The following EHMT2 variants were observed in gnomAD, a reference collection of about 807,000 sequenced individuals.
The protein encoded by EHMT2 is histone-lysine N-methyltransferase EHMT2.
Under a neutral mutation model 143.3 loss-of-function variants are expected in EHMT2, and 59 were observed. The observed-to-expected ratio is 0.41, with a 90% confidence interval of 0.33 to 0.51. The LOEUF (loss-of-function observed/expected upper bound fraction) is 0.51, where lower values mean the gene tolerates loss of function less well. Among genes scored for constraint, EHMT2 ranks in the 20% least tolerant of loss-of-function variants. The probability of loss-of-function intolerance (pLI) is 0.18; values close to 1 mark genes in which losing one functional copy is unlikely to be tolerated. For missense variants in EHMT2, 1,174 were observed against 1,645.9 expected, an observed-to-expected ratio of 0.71 and a Z score of 4.96; for synonymous variants, 604 against 651.5, an observed-to-expected ratio of 0.93 and a Z score of 1.11.
Position 31,889,606 on chromosome 6 carries a change from GGA to G in EHMT2, c.865-6_865-5del. ...CAGTTAGAGCTTCAACTTCAGACTGGGAGAGAGGCAGAACAGACATATCCAAC... is the reference window on the plus strand; with the variant it reads ...CAGTTAGAGCTTCAACTTCAGACTGGGAGAGGCAGAACAGACATATCCAAC... On this transcript the variant is annotated splice_polypyrimidine_tract_variant and splice_region_variant and intron_variant, in intron 7 of 27. Coordinates refer to ENST00000375537, the Ensembl canonical transcript of EHMT2. The surrounding 1 kb of genome is among the most constrained non-coding windows in gnomAD (Gnocchi z 5.1). 6.2e-7 allele frequency: 1 copy of G among 1,609,910 alleles called. No individual in the cohort carries two copies. The highest frequency in any genetic ancestry group is 1.1e-5 in the South Asian group (1 of 91,074).
At chr6:31,894,329 T>C (rs1039222911) in intron 4 of EHMT2, among the ~76,000 whole-genome samples, 1 of 152,154 alleles carries the variant, frequency 6.6e-6, no homozygotes, top group African/African-American at 2.4e-5. Context: ...GTATTTTTAA[T>C]AGAGATGGGG....
chr6:31,883,956 G>A lies in EHMT2; in HGVS notation c.2772-6C>T. 6.2e-7 allele frequency: 1 copy of A among 1,613,142 alleles called. No homozygotes were observed. Among genetic ancestry groups the A allele is most frequent in the Non-Finnish European group, 8.5e-7 (1 of 1,179,424 alleles). On this transcript the variant is annotated splice_region_variant and splice_polypyrimidine_tract_variant and intron_variant, in intron 21 of 27. Transcript: ENST00000375537. This position sits in a 1 kb window ranked among gnomAD's most constrained non-coding sequence, Gnocchi z 5.6. ...CATAGCCCCGAGCCACGTCCCTGCA[G>A]AAGACGGGAAGAAGGGGCTGGGAAG...
In EHMT2 at chr6:31,888,442, A is replaced by G; in HGVS notation, c.1430T>C (p.Leu477Pro). The G allele has an allele frequency of 1.2e-6, 2 of 1,612,948 alleles. No homozygotes were observed. The highest frequency in any genetic ancestry group is 1.7e-6 in the Non-Finnish European group (2 of 1,179,912). The change falls in exon 12 of 28, where the codon CTG (leucine) becomes CCG (proline). Residue 477 changes from leucine to proline, a missense_variant. By Grantham distance (98) the Leu-to-Pro change is moderately conservative. This residue lies in a region of EHMT2 where 608 missense variants were observed against 903.7 expected (regional missense o/e 0.67). Coordinates refer to ENST00000375537, the Ensembl canonical transcript of EHMT2. This position sits in a 1 kb window ranked among gnomAD's most constrained non-coding sequence, Gnocchi z 7.4. ...GCGGTGGGTCTCACAGAGCACCATC[A>G]GGGCCACACGGCTGGATGGCCTCAT...
chr6:31,880,716 C>T lies in EHMT2; in HGVS notation c.3409G>A (p.Ala1137Thr), dbSNP rs1331624854. Residue 1137 changes from alanine (A) to threonine (T), a missense_variant, in exon 27 of 28, where the codon GCC becomes ACC. This residue lies in a region of EHMT2 where 44 missense variants were observed against 113.5 expected (regional missense o/e 0.39). Transcript: ENST00000375537. The surrounding 1 kb of genome is among the most constrained non-coding windows in gnomAD (Gnocchi z 6.6). Reference sequence around the variant, plus strand: ...CGGATGTCTCGGGAACTGAAGAAGGCGATGCGTGGAAATCGCAGGTCTTGG... The same window carrying T: ...CGGATGTCTCGGGAACTGAAGAAGGTGATGCGTGGAAATCGCAGGTCTTGG... The T allele has an allele frequency of 3.7e-6, 6 of 1,613,866 alleles. No homozygotes were observed. Among genetic ancestry groups the T allele is most frequent in the East Asian group, 2.2e-5 (1 of 44,884 alleles).
Position 31,882,910 on chromosome 6 carries a change from C to A in EHMT2, c.3094G>T (p.Val1032Leu), listed in dbSNP as rs201630944. The A allele has an allele frequency of 6.2e-7, 1 of 1,612,782 alleles. No individual in the cohort carries two copies. Among genetic ancestry groups the A allele is most frequent in the Non-Finnish European group, 8.5e-7 (1 of 1,179,964 alleles). ...GGGCCTCACTTGATGCCACTCTGTA[C>A]GACCCGGTTCTTGCAGTTTCTCCAG... Residue 1032 changes from valine to leucine, a missense_variant, in exon 24 of 28, where the codon GTA becomes TTA. Physicochemically the swap from Val to Leu is conservative, Grantham distance 32. This residue lies in a region of EHMT2 where 78 missense variants were observed against 144.0 expected (regional missense o/e 0.54). Transcript: ENST00000375537.
In EHMT2 at chr6:31,889,224, T is replaced by C; in HGVS notation, c.1114+4A>G. 1 of 1,602,334 alleles carries C rather than the reference T, an allele frequency of 6.2e-7. No homozygotes were observed. The highest frequency in any genetic ancestry group is 8.5e-7 in the Non-Finnish European group (1 of 1,175,286). ...GGCACCCAAAAGCAGCAGAGCCTCC[T>C]CACCTCGTGGCTCCTTGGCCCGCGG... On this transcript the variant is annotated splice_donor_region_variant and intron_variant, in intron 9 of 27. Coordinates refer to ENST00000375537, the Ensembl canonical transcript of EHMT2. This position sits in a 1 kb window ranked among gnomAD's most constrained non-coding sequence, Gnocchi z 5.1.
chr6:31,881,692 G>A lies in EHMT2; in HGVS notation c.3198-600C>T, dbSNP rs1274716559. ...GGACAGGCAGTGAGTGGATGGTGGG[G>A]AAACTGAGGCCCAGCAGGAAGGGGC... is the stretch of plus-strand genomic sequence containing the variant. On this transcript the variant is annotated intron_variant, in intron 25 of 27. Coordinates refer to ENST00000375537, the Ensembl canonical transcript of EHMT2. The surrounding 1 kb of genome is among the most constrained non-coding windows in gnomAD (Gnocchi z 4.8). The A allele has an allele frequency of 6.2e-6, 1 of 162,558 alleles. No homozygotes were observed. The highest frequency in any genetic ancestry group is 1.4e-5 in the Non-Finnish European group (1 of 73,344). The allele number at this position is 162,558 out of a possible 1,614,324, so 10.1% of individuals were successfully genotyped here. A position where few individuals can be genotyped will look rare whatever the true frequency, so the allele number is the denominator to read the frequency against.
At chr6:31,882,754 T>C in exon 25 of EHMT2, 1 of 1,612,592 alleles carries the variant, frequency 6.2e-7, no homozygotes, top group Non-Finnish European at 8.5e-7. Context: ...CCCCAGCCCA[T>C]CTTGGCTGTT....
At chr6:31,893,795 C>A in intron 4 of EHMT2, 1 of 177,798 alleles carries the variant, frequency 5.6e-6, no homozygotes, top group Non-Finnish European at 1.2e-5. Flanking sequence ...AGTACTTACT[C>A]AAATTTATAG....
At chr6:31,897,537 C>T (rs1382138961) in intron 1 of EHMT2, 99 bp downstream of exon 1, 4 of 1,002,204 alleles carry the variant, frequency 4.0e-6, no homozygotes, top group Non-Finnish European at 4.9e-6. Context: ...CCGCCCGGGC[C>T]CCCCGGCCCC....
In EHMT2 at chr6:31,881,182, T is replaced by C; in HGVS notation, c.3198-90A>G. On this transcript the variant is annotated intron_variant, in intron 25 of 27. Transcript: ENST00000375537. The surrounding 1 kb of genome is among the most constrained non-coding windows in gnomAD (Gnocchi z 4.8). ...CATCTCTCTTCACAAGCCTGTGGAA[T>C]CTGGAATGGGCAGGGCTGGCAGGTG... is the stretch of plus-strand genomic sequence containing the variant. 1 of 1,175,510 alleles carries C rather than the reference T, an allele frequency of 8.5e-7. No individual in the cohort carries two copies. The highest frequency in any genetic ancestry group is 1.3e-6 in the Non-Finnish European group (1 of 787,926). 72.8% of individuals were successfully genotyped at this position (1,175,510 alleles called of 1,614,324 possible). A position where few individuals can be genotyped will look rare whatever the true frequency, so the allele number is the denominator to read the frequency against.
Position 31,888,042 on chromosome 6 carries a change from T to C in EHMT2, c.1744A>G (p.Ser582Gly). Residue 582 changes from serine to glycine, a missense_variant and splice_region_variant, in exon 13 of 28, where the codon AGT (serine) becomes GGT (glycine). By Grantham distance (56) the Ser-to-Gly change is moderately conservative. Coordinates refer to ENST00000375537, the Ensembl canonical transcript of EHMT2. The surrounding 1 kb of genome is among the most constrained non-coding windows in gnomAD (Gnocchi z 7.4). ...AGTACAGAAGGGGGAGGCCAGTACCTGGGCTGAGAAGTGTCTGCTCTCCCG... is the reference window on the plus strand; with the variant it reads ...AGTACAGAAGGGGGAGGCCAGTACCCGGGCTGAGAAGTGTCTGCTCTCCCG... 6.3e-7 allele frequency: 1 copy of C among 1,578,870 alleles called. No individual in the cohort carries two copies. The highest frequency in any genetic ancestry group is 8.6e-7 in the Non-Finnish European group (1 of 1,163,236).
chr6:31,881,693 A>G lies in EHMT2; in HGVS notation c.3198-601T>C, dbSNP rs1403182597. On this transcript the variant is annotated intron_variant, in intron 25 of 27. Transcript: ENST00000375537. The surrounding 1 kb of genome is among the most constrained non-coding windows in gnomAD (Gnocchi z 4.8). ...GACAGGCAGTGAGTGGATGGTGGGG[A>G]AACTGAGGCCCAGCAGGAAGGGGCT... 1 of 161,966 alleles carries G rather than the reference A, an allele frequency of 6.2e-6. No individual in the cohort carries two copies. The highest frequency in any genetic ancestry group is 5.8e-5 in the Admixed American group (1 of 17,378). 10.0% of individuals were successfully genotyped at this position (161,966 alleles called of 1,614,324 possible). A position where few individuals can be genotyped will look rare whatever the true frequency, so the allele number is the denominator to read the frequency against.
At chr6:31,886,490 A>G in intron 18 of EHMT2, 91 bp downstream of exon 18, 1 of 1,056,982 alleles carries the variant, frequency 9.5e-7, no homozygotes, top group South Asian at 1.4e-5. Flanking sequence ...GTGTGAGGTC[A>G]GATGTAGGAA....
intron 18 of EHMT2, 55 bp downstream of exon 18, chr6:31,886,526 C>A: frequency 6.4e-7 from 1 of 1,556,946 alleles, no homozygotes; most frequent in Non-Finnish European, 8.8e-7. Context: ...TGAGGCCAAG[C>A]CAAGGAACCC....
At chr6:31,882,554 A>C in intron 25 of EHMT2, 145 bp downstream of exon 25, 1 of 794,176 alleles carries the variant, frequency 1.3e-6, no homozygotes, top group Non-Finnish European at 2.1e-6. Context: ...AGCTGCAGGA[A>C]TAGGGGTCAG....
In EHMT2 at chr6:31,889,501, CTCTTCT is replaced by C. The variant is rs533306500; in HGVS notation, c.960_965del (p.Glu322_Glu323del). 6.2e-7 allele frequency: 1 copy of C among 1,612,694 alleles called. No individual in the cohort carries two copies. The highest frequency in any genetic ancestry group is 1.1e-5 in the South Asian group (1 of 91,078). The stretch of plus-strand genomic sequence containing the variant: ...ACTGATTCCCTGACTCCTCATCTTC[CTCTTCT>C]TCTTCCTCTTCCTCCTCCTCTTCCT... On this transcript the variant is annotated inframe_deletion, in exon 8 of 28. Coordinates refer to ENST00000375537, the Ensembl canonical transcript of EHMT2. This position sits in a 1 kb window ranked among gnomAD's most constrained non-coding sequence, Gnocchi z 5.1.
intron 18 of EHMT2, 94 bp downstream of exon 18, chr6:31,886,487 G>C: frequency 9.8e-7 from 1 of 1,025,162 alleles, no homozygotes; most frequent in Non-Finnish European, 1.5e-6. Flanking sequence ...GCAGTGTGAG[G>C]TCAGATGTAG....
chr6:31,880,545 T>C lies in EHMT2; in HGVS notation c.3452+128A>G. The stretch of plus-strand genomic sequence containing the variant: ...CCAAGTCCTCCAGGAAATACTTATG[T>C]ACACTGAAATCTGAGAAGCTCTGCA... On this transcript the variant is annotated intron_variant, in intron 27 of 27. Coordinates refer to ENST00000375537, the Ensembl canonical transcript of EHMT2. The surrounding 1 kb of genome is among the most constrained non-coding windows in gnomAD (Gnocchi z 6.6). The C allele has an allele frequency of 9.5e-7, 1 of 1,047,944 alleles. No individual in the cohort carries two copies. Among genetic ancestry groups the C allele is most frequent in the South Asian group, 1.6e-5 (1 of 64,242 alleles). The allele number at this position is 1,047,944 out of a possible 1,614,324, so 64.9% of individuals were successfully genotyped here.
Sources: allele counts gnomAD v4.1 joint callset (sites outside exome capture counted in the v4.1 genomes callset), GRCh38; gene constraint gnomAD v4.1.1; regional missense constraint gnomAD v4.1.1; non-coding constraint Gnocchi (gnomAD v3.1); transcripts MANE v1.5; gene names NCBI Gene and HGNC (gene_info 2026-07-23, HGNC 2026-07-21).